Variants in NYAP2 observed in about 807,000 individuals in gnomAD.
NYAP2 encodes the protein neuronal tyrosine-phosphorylated phosphoinositide-3-kinase adaptor 2.
Under a neutral mutation model 50.4 loss-of-function variants are expected in NYAP2, and 23 were observed. The observed-to-expected ratio is 0.46, with a 90% confidence interval of 0.33 to 0.65. The LOEUF is 0.65. NYAP2 is among the 30% of genes least tolerant of loss of function. NYAP2 has a pLI of 0.02. For missense variants in NYAP2, 885 were observed against 861.0 expected, an observed-to-expected ratio of 1.03 and a Z score of -0.35; for synonymous variants, 394 against 365.2, an observed-to-expected ratio of 1.08 and a Z score of -0.90.
At chr2:225,621,408 G>A (rs1210591313) in intron 5 of NYAP2, among the ~76,000 whole-genome samples, 4 of 152,112 alleles carry the variant, frequency 2.6e-5, no homozygotes, top group Non-Finnish European at 4.4e-5. Context: ...CCACTTACAT[G>A]ACATACCTAA....
chr2:225,691,549 T>C, the NYAP2 span, among the ~76,000 whole-genome samples: 1 of 152,184 alleles, frequency 6.6e-6, no homozygotes, highest in Non-Finnish European at 1.5e-5. Flanking sequence ...GGTGTTTATG[T>C]GCTTACTTTT....
chr2:225,637,652 G>A (rs1455794266), intron 6 of NYAP2, among the ~76,000 whole-genome samples: 2 of 151,956 alleles, frequency 1.3e-5, no homozygotes, highest in African/African-American at 4.8e-5. Context: ...GGCCTTGGAG[G>A]GTACTGTAAG....
At chr2:225,497,494 C>G (rs901122504) in intron 3 of NYAP2, among the ~76,000 whole-genome samples, 1 of 152,180 alleles carries the variant, frequency 6.6e-6, no homozygotes, top group Non-Finnish European at 1.5e-5. Context: ...GAGGACACTT[C>G]TCAGCTTTAT....
chr2:225,589,516 AATATATATAT>A (rs71062993), intron 5 of NYAP2, among the ~76,000 whole-genome samples: 15 of 71,356 alleles, frequency 2.1e-4, no homozygotes, highest in Admixed American at 1.8e-3. Context: ...CTAAAAGTAA[AATATATATAT>A]ATATATATAT....
chr2:225,512,827 C>T (rs1254652731), intron 3 of NYAP2, among the ~76,000 whole-genome samples: 1,935 of 83,038 alleles, frequency 0.023, 131 homozygotes, highest in African/African-American at 0.11. Flanking sequence ...CTTTCTCTCT[C>T]TCTCTCTCTC....
At chr2:225,442,422 G>A (rs748566671) in intron 3 of NYAP2, among the ~76,000 whole-genome samples, 22 of 152,140 alleles carry the variant, frequency 1.4e-4, no homozygotes, top group South Asian at 4.2e-4. Context: ...GACTTTTTTT[G>A]AATCACTGAT....
intron 3 of NYAP2, among the ~76,000 whole-genome samples, chr2:225,496,574 CA>C (rs1156569640): frequency 3.9e-5 from 6 of 151,942 alleles, no homozygotes; most frequent in Non-Finnish European, 7.4e-5. Flanking sequence ...ATGGAAAAAA[CA>C]AAAACAAAAA....
At chr2:225,580,717 G>A (rs1371008037) in intron 4 of NYAP2, among the ~76,000 whole-genome samples, 1 of 151,882 alleles carries the variant, frequency 6.6e-6, no homozygotes, top group African/African-American at 2.4e-5. Flanking sequence ...AGCACTTTCA[G>A]CTCCTTTACC....
At chr2:225,585,590 C>A (rs1692375703) in intron 5 of NYAP2, among the ~76,000 whole-genome samples, 1 of 152,126 alleles carries the variant, frequency 6.6e-6, no homozygotes, top group Non-Finnish European at 1.5e-5. Context: ...GTGCTATTAA[C>A]CATGCATCAA....
intron 3 of NYAP2, among the ~76,000 whole-genome samples, chr2:225,478,640 G>A (rs964072132): frequency 2.6e-5 from 4 of 152,032 alleles, no homozygotes; most frequent in Admixed American, 6.6e-5. Context: ...TCTTGGCAAC[G>A]TGACCTTAAA....
At chr2:225,450,322 T>C (rs146129786) in intron 3 of NYAP2, among the ~76,000 whole-genome samples, 120 of 152,288 alleles carry the variant, frequency 7.9e-4, no homozygotes, top group African/African-American at 2.8e-3. Flanking sequence ...TCAGTAAATA[T>C]GAAGAGAGAA....
intron 5 of NYAP2, among the ~76,000 whole-genome samples, chr2:225,620,330 A>G (rs186824416): frequency 6.6e-6 from 1 of 152,288 alleles, no homozygotes; most frequent in Admixed American, 6.5e-5. Flanking sequence ...TTGAATTAGA[A>G]AACACCTTGG....
chr2:225,551,673 A>G (rs893890317), intron 4 of NYAP2, among the ~76,000 whole-genome samples: 5 of 152,184 alleles, frequency 3.3e-5, no homozygotes, highest in African/African-American at 1.2e-4. Context: ...GATGTTTATT[A>G]TGTACAGGCC....
rs546086274 is a variant in NYAP2, at chr2:225,558,583, T to C, written c.524-23358T>C. 7.9e-5 allele frequency among the ~76,000 whole-genome samples: 12 copies of C among 152,292 alleles called. No homozygotes were observed. In the South Asian group the frequency reaches 2.5e-3, roughly 32 times the overall value. ...ACAGGTTCCCTGTTGTAAAGATTCC[T>C]GTGATTAGACTGGACTCATCTGGAC... On this transcript the variant is annotated intron_variant, in intron 4 of 6. Transcript: ENST00000636099.
chr2:225,675,611 T>A, the NYAP2 span, among the ~76,000 whole-genome samples: 1 of 152,156 alleles, frequency 6.6e-6, no homozygotes, highest in Non-Finnish European at 1.5e-5. Flanking sequence ...AATGAACATA[T>A]CGTGCATGTG....
chr2:225,560,147 T>C (rs938386710), intron 4 of NYAP2, among the ~76,000 whole-genome samples: 34 of 152,090 alleles, frequency 2.2e-4, no homozygotes, highest in African/African-American at 8.2e-4. Context: ...CAAGATACCT[T>C]TCTATACACT....
At chr2:225,443,448 C>A (rs899038858) in intron 3 of NYAP2, among the ~76,000 whole-genome samples, 2 of 152,156 alleles carry the variant, frequency 1.3e-5, no homozygotes, top group African/African-American at 4.8e-5. Flanking sequence ...ACATAGGTTG[C>A]CAGGTGAAAT....
At chr2:225,575,711 AAT>A (rs1692158717) in intron 4 of NYAP2, among the ~76,000 whole-genome samples, 2 of 152,216 alleles carry the variant, frequency 1.3e-5, no homozygotes, top group African/African-American at 4.8e-5. Flanking sequence ...GGGGAGAAGA[AAT>A]AGACTCCACT....
chr2:225,564,580 AC>A, intron 4 of NYAP2, among the ~76,000 whole-genome samples: 1 of 151,970 alleles, frequency 6.6e-6, no homozygotes, highest in Non-Finnish European at 1.5e-5. Context: ...TTGTGCACAA[AC>A]AAAAAAATCT....
Sources: gnomAD v4.1 joint callset for allele counts (sites outside exome capture counted in the v4.1 genomes callset) on GRCh38, gnomAD v4.1.1 for gene constraint, MANE v1.5 for transcripts, NCBI Gene and HGNC (gene_info 2026-07-23, HGNC 2026-07-21) for gene names.